SLC28A3: variants seen among roughly 807,000 people sequenced by gnomAD.
SLC28A3 encodes concentrative Na(+)-nucleoside cotransporter 3.
Under a neutral mutation model 84.2 loss-of-function variants are expected in SLC28A3, and 68 were observed. That is an observed-to-expected ratio of 0.81 (90% CI 0.66 to 0.99). The LOEUF (loss-of-function observed/expected upper bound fraction) is 0.99, where lower values mean the gene tolerates loss of function less well. Ranked by LOEUF, SLC28A3 falls within the 50% of genes least tolerant of loss-of-function variation. The pLI is 0.00. For missense variants in SLC28A3, 712 were observed against 841.5 expected (o/e 0.85, Z 1.90); for synonymous variants, 267 against 303.6 (o/e 0.88, Z 1.25).
chr9:84,347,204 T>TAA, the SLC28A3 span, among the ~76,000 whole-genome samples: 104 of 62,324 alleles, frequency 1.7e-3, no homozygotes, highest in African/African-American at 3.5e-3. Context: ...AGACTCTGTC[T>TAA]AAAAAAAAAA....
intron 4 of SLC28A3, among the ~76,000 whole-genome samples, chr9:84,304,878 C>T (rs1487023076): frequency 2.0e-5 from 3 of 152,014 alleles, no homozygotes; most frequent in African/African-American, 2.4e-5. Context: ...AAAAATTAGC[C>T]GGGTGTGGTG....
At chr9:84,351,925 T>G in the SLC28A3 span, among the ~76,000 whole-genome samples, 1 of 150,328 alleles carries the variant, frequency 6.7e-6, no homozygotes, top group East Asian at 2.0e-4. Context: ...TGAGAGAGAA[T>G]AAATAAAACA....
chr9:84,330,410 C>CTG lies in SLC28A3; in HGVS notation c.60+10162_60+10163dup, dbSNP rs376482616. ...CCTTAAAGAGGAAGGATAACCAGAT[C>CTG]TGTGTGTGTGTATGAACTCTAAAAC... On this transcript the variant is annotated intron_variant, in intron 1 of 17. Coordinates refer to ENST00000376238, the MANE Select transcript of SLC28A3 (RefSeq NM_001199633.2). Among the ~76,000 whole-genome samples, 312 of 152,210 alleles carry CTG rather than the reference C, an allele frequency of 2.0e-3. 1 individual carries two copies. Among genetic ancestry groups the CTG allele is most frequent in the African/African-American group, 7.1e-3 (293 of 41,550 alleles).
intron 15 of SLC28A3, 81 bp downstream of exon 15, chr9:84,280,720 A>G: frequency 7.1e-7 from 1 of 1,401,378 alleles, no homozygotes; most frequent in Non-Finnish European, 1.0e-6. Context: ...GTTTTTTCTG[A>G]CATAACAGTA....
chr9:84,321,469 C>G (rs1246286599), intron 1 of SLC28A3, among the ~76,000 whole-genome samples: 3 of 152,008 alleles, frequency 2.0e-5, no homozygotes, highest in Non-Finnish European at 4.4e-5. Flanking sequence ...CGCAGTGGCT[C>G]ACGCCTGTAA....
intron 12 of SLC28A3, among the ~76,000 whole-genome samples, chr9:84,286,645 T>TTACAAGTAGCTGCCAGAGAA (rs1178836157): frequency 6.6e-6 from 1 of 152,056 alleles, no homozygotes; most frequent in African/African-American, 2.4e-5. Context: ...ATTATTTTTA[T>TTACAAGTAGCTGCCAGAGAA]TACAAGTAGC....
upstream of SLC28A3, among the ~76,000 whole-genome samples, chr9:84,345,146 G>A (rs1158708042): frequency 1.3e-5 from 2 of 151,804 alleles, no homozygotes; most frequent in African/African-American, 2.4e-5. Flanking sequence ...TAGCTCTTTC[G>A]TGCTTCTTAT....
At chr9:84,330,174 C>G (rs1826722826) in intron 1 of SLC28A3, among the ~76,000 whole-genome samples, 1 of 151,058 alleles carries the variant, frequency 6.6e-6, no homozygotes, top group Admixed American at 6.6e-5. Context: ...AAAAAAAAAG[C>G]TCAAAAAAAC....
chr9:84,305,456 G>A, intron 3 of SLC28A3, 111 bp from the exon 4 acceptor site: 4 of 834,692 alleles, frequency 4.8e-6, no homozygotes, highest in South Asian at 1.5e-5. Flanking sequence ...ACAAACACAT[G>A]TGTGAGGCGT....
At chr9:84,352,098 A>G in the SLC28A3 span, among the ~76,000 whole-genome samples, 1 of 152,278 alleles carries the variant, frequency 6.6e-6, no homozygotes, top group Admixed American at 6.5e-5. Flanking sequence ...TTTTTTTAAT[A>G]AGTTATGTAT....
At chr9:84,287,952 T>C (rs1334446215) in intron 12 of SLC28A3, 96 bp downstream of exon 12, 1 of 1,487,642 alleles carries the variant, frequency 6.7e-7, no homozygotes, top group East Asian at 2.3e-5. Flanking sequence ...TAATTCACTG[T>C]GCTTTCCGGT....
Position 84,323,426 on chromosome 9 carries a change from A to ATTT in SLC28A3, c.61-9975_61-9973dup, listed in dbSNP as rs398011264. On this transcript the variant is annotated intron_variant, in intron 1 of 17. Coordinates refer to ENST00000376238, the MANE Select transcript of SLC28A3 (RefSeq NM_001199633.2). ...TGTCATTTTTATGATTCAGTACATG[A>ATTT]TTTTTTTTTTTTTTTTGAGACGGAG... Among the ~76,000 whole-genome samples, 59 of 141,174 alleles carry ATTT rather than the reference A, an allele frequency of 4.2e-4. 5 individuals carry two copies. Among genetic ancestry groups the ATTT allele is most frequent in the South Asian group, 4.1e-3 (18 of 4,414 alleles). 92.6% of individuals were successfully genotyped at this position (141,174 alleles called of 152,430 possible). A position where few individuals can be genotyped will look rare whatever the true frequency, so the allele number is the denominator to read the frequency against.
At position 84,301,369 on chromosome 9, in the gene SLC28A3, A is replaced by AAAAAAAAAAAAAAAAAAAAG. The variant is rs753889714; in HGVS notation, c.524+830_524+831insCTTTTTTTTTTTTTTTTTTT. On this transcript the variant is annotated intron_variant, in intron 5 of 17. Coordinates refer to ENST00000376238, the MANE Select transcript of SLC28A3 (RefSeq NM_001199633.2). The stretch of plus-strand genomic sequence containing the variant: ...TGTCTCAAAAAAAAAAAAAAAAAAA[A>AAAAAAAAAAAAAAAAAAAAG]AAAAAGAAAAGGCTGTAAACATTGG... Among the ~76,000 whole-genome samples, 119 of 132,328 alleles carry AAAAAAAAAAAAAAAAAAAAG rather than the reference A, an allele frequency of 9.0e-4. 2 individuals are homozygous for AAAAAAAAAAAAAAAAAAAAG. Among genetic ancestry groups the AAAAAAAAAAAAAAAAAAAAG allele is most frequent in the East Asian group, 1.4e-3 (5 of 3,636 alleles). The allele number at this position is 132,328 out of a possible 152,430, so 86.8% of individuals were successfully genotyped here.
rs780608834 is a variant in SLC28A3, at chr9:84,334,267, C to G, written c.60+6307G>C. 4.8e-4 allele frequency among the ~76,000 whole-genome samples: 73 copies of G among 152,250 alleles called. 1 individual carries two copies. The highest frequency in any genetic ancestry group is 1.7e-3 in the Admixed American group (26 of 15,284). ...TGAGCCAAGATCACGCCACTGCACT[C>G]TAGCCTGGGCAACAGAGCGAGACTC... is the stretch of plus-strand genomic sequence containing the variant. On this transcript the variant is annotated intron_variant, in intron 1 of 17. Transcript: ENST00000376238.
rs969721284 is a variant in SLC28A3 at position 84,337,207 on chromosome 9, T to A, written c.60+3367A>T. On this transcript the variant is annotated intron_variant, in intron 1 of 17. Transcript: ENST00000376238. Reference sequence around the variant, plus strand: ...TAACATCAATTATATTGTAATTGCATGCTTATTTCTGCCTGTCCTTCTCCT... The same window carrying A: ...TAACATCAATTATATTGTAATTGCAAGCTTATTTCTGCCTGTCCTTCTCCT... 2.0e-5 allele frequency among the ~76,000 whole-genome samples: 3 copies of A among 152,338 alleles called. No homozygotes were observed. In the South Asian group the frequency reaches 6.2e-4, roughly 32 times the overall value.
At chr9:84,326,306 T>A (rs1826545669) in intron 1 of SLC28A3, among the ~76,000 whole-genome samples, 1 of 152,056 alleles carries the variant, frequency 6.6e-6, no homozygotes, top group African/African-American at 2.4e-5. Flanking sequence ...TTTAAAGTAA[T>A]TAACTGGAGT....
chr9:84,277,964 AGACTG>A lies in SLC28A3; in HGVS notation c.*249_*253del, dbSNP rs993774005. On this transcript the variant is annotated 3_prime_UTR_variant, in exon 18 of 18. Coordinates refer to ENST00000376238, the MANE Select transcript of SLC28A3 (RefSeq NM_001199633.2). ...ACATTAAAGTCAGAAAATCCCATTG[AGACTG>A]GAATCAACAACACCTCACTTTGGGA... 19 of 450,132 alleles carry A rather than the reference AGACTG, an allele frequency of 4.2e-5. No individual in the cohort carries two copies. Among genetic ancestry groups the A allele is most frequent in the Middle Eastern group, 5.9e-4 (1 of 1,692 alleles). The allele number at this position is 450,132 out of a possible 1,614,324, so 27.9% of individuals were successfully genotyped here. A position where few individuals can be genotyped will look rare whatever the true frequency, so the allele number is the denominator to read the frequency against.
chr9:84,347,826 C>T, the SLC28A3 span, among the ~76,000 whole-genome samples: 8,440 of 152,214 alleles, frequency 0.055, 479 homozygotes, highest in East Asian at 0.17. Flanking sequence ...GTGCTTGGAA[C>T]AGCGTCAGCT....
intron 1 of SLC28A3, among the ~76,000 whole-genome samples, chr9:84,327,057 C>A (rs531417171): frequency 7.8e-6 from 1 of 127,972 alleles, no homozygotes; most frequent in South Asian, 2.2e-4. Context: ...CAAAAAAACT[C>A]TCTTAAAATC....
Sources: allele counts gnomAD v4.1 joint callset (sites outside exome capture counted in the v4.1 genomes callset), GRCh38; gene constraint gnomAD v4.1.1; transcripts MANE v1.5; gene names NCBI Gene and HGNC (gene_info 2026-07-23, HGNC 2026-07-21).